STAU2: variants seen among roughly 807,000 people sequenced by gnomAD.
STAU2 encodes the protein staufen double-stranded RNA binding protein 2, also known as double-stranded RNA-binding protein Staufen homolog 2.
STAU2 carries 20 observed loss-of-function variants against 65.9 expected under a neutral mutation model. That is an observed-to-expected ratio of 0.30 (90% CI 0.21 to 0.44). The LOEUF is 0.44. STAU2 is among the 20% of genes least tolerant of loss of function. The pLI is 1.00. For synonymous variants in STAU2, 232 were observed against 233.9 expected (o/e 0.99, Z 0.07); for missense variants, 558 against 683.9 (o/e 0.82, Z 2.05).
rs1406841107 is a variant in STAU2, at chr8:73,595,182, T to C, written c.1145A>G (p.Gln382Arg). The change falls in exon 11 of 15, where the codon CAG becomes CGG. Residue 382 changes from glutamine to arginine, a missense_variant. Physicochemically the swap from Gln to Arg is conservative, Grantham distance 43. Around this residue, in one of 3 missense-constraint regions of STAU2, gnomAD observed 247 missense variants for 270.1 expected, o/e 0.91. Transcript: ENST00000524300. ...QLGYKASTNL[Q>R]DQLEKTGENK... Reference sequence around the variant, plus strand: ...AACTCTTACCTTCTCAAGTTGATCCTGAAGATTAGTGGATGCTTTATAACC... The same window carrying C: ...AACTCTTACCTTCTCAAGTTGATCCCGAAGATTAGTGGATGCTTTATAACC... The C allele has an allele frequency of 2.9e-5, 46 of 1,605,184 alleles. No homozygotes were observed. Among genetic ancestry groups the C allele is most frequent in the Non-Finnish European group, 3.8e-5 (45 of 1,177,144 alleles).
intron 12 of STAU2, among the ~76,000 whole-genome samples, chr8:73,577,109 TA>T (rs1197434714): frequency 1.3e-5 from 2 of 152,202 alleles, no homozygotes; most frequent in Non-Finnish European, 2.9e-5. Context: ...AGTATACAGA[TA>T]ATTCTGCTTC....
At chr8:73,541,383 T>C (rs1253880661) in intron 13 of STAU2, among the ~76,000 whole-genome samples, 1 of 152,160 alleles carries the variant, frequency 6.6e-6, no homozygotes, top group Non-Finnish European at 1.5e-5. Flanking sequence ...GAGTAGACTG[T>C]ATCAGCTGAG....
Position 73,433,586 on chromosome 8 carries a change from C to T in STAU2, c.1531-10884G>A, listed in dbSNP as rs138399614. 5.5e-4 allele frequency among the ~76,000 whole-genome samples: 83 copies of T among 150,554 alleles called. 5 individuals carry two copies. The highest frequency in any genetic ancestry group is 2.1e-3 in the African/African-American group (83 of 40,464). The stretch of plus-strand genomic sequence containing the variant: ...CACAATATCAGCTCACTGCAATCTA[C>T]GCTTCCCGGGTTCAAGCGATTCTTG... On this transcript the variant is annotated intron_variant, in intron 13 of 14. Coordinates refer to ENST00000524300, the MANE Select transcript of STAU2 (RefSeq NM_001164380.2).
At chr8:73,647,372 G>A (rs1160865171) in intron 6 of STAU2, among the ~76,000 whole-genome samples, 2 of 152,280 alleles carry the variant, frequency 1.3e-5, no homozygotes, top group African/African-American at 2.4e-5. Context: ...GTGGTACACA[G>A]AACACTACTC....
chr8:73,632,549 A>G (rs1158508346), intron 6 of STAU2, among the ~76,000 whole-genome samples: 1 of 151,394 alleles, frequency 6.6e-6, no homozygotes, highest in East Asian at 1.9e-4. Flanking sequence ...ATATAATCCT[A>G]TTTGCAGAGG....
In STAU2 at chr8:73,566,897, G is replaced by A. The variant is rs371668862; in HGVS notation, c.1223-14578C>T. On this transcript the variant is annotated intron_variant, in intron 12 of 14. Transcript: ENST00000524300. ...TCAAAGACTGCCAACCTGAGATTCAGAACATCTTGAGGTCTGAATTCAAAT... is the reference window on the plus strand; with the variant it reads ...TCAAAGACTGCCAACCTGAGATTCAAAACATCTTGAGGTCTGAATTCAAAT... Among the ~76,000 whole-genome samples, 92 of 152,272 alleles carry A rather than the reference G, an allele frequency of 6.0e-4. No homozygotes were observed. The South Asian group carries it at 0.018, about 30-fold the overall frequency.
chr8:73,723,098 G>GCCCACACA (rs1821797438), intron 3 of STAU2, among the ~76,000 whole-genome samples: 1 of 151,708 alleles, frequency 6.6e-6, no homozygotes, highest in South Asian at 2.1e-4. Flanking sequence ...GTGCGTGCGT[G>GCCCACACA]CCCACACACC....
At chr8:73,432,150 T>C (rs1343865397) in intron 13 of STAU2, among the ~76,000 whole-genome samples, 2 of 152,248 alleles carry the variant, frequency 1.3e-5, no homozygotes, top group Non-Finnish European at 2.9e-5. Flanking sequence ...GTGGCCTTCA[T>C]TTTTTAAGTG....
intron 13 of STAU2, among the ~76,000 whole-genome samples, chr8:73,492,324 TG>T (rs1480779978): frequency 1.3e-5 from 2 of 151,850 alleles, no homozygotes; most frequent in Non-Finnish European, 2.9e-5. Context: ...CAGAGTTCAG[TG>T]AAAGTTCTCA....
intron 13 of STAU2, among the ~76,000 whole-genome samples, chr8:73,511,866 T>C (rs1822424457): frequency 6.6e-6 from 1 of 152,216 alleles, no homozygotes; most frequent in Non-Finnish European, 1.5e-5. Context: ...CTATGGTTCT[T>C]TGAGAAGTTT....
intron 13 of STAU2, among the ~76,000 whole-genome samples, chr8:73,425,072 G>A (rs1203227231): frequency 6.6e-6 from 1 of 152,188 alleles, no homozygotes; most frequent in African/African-American, 2.4e-5. Context: ...TAACTTCAGT[G>A]GGGTGGGAGC....
chr8:73,716,142 G>A (rs1166166478), intron 3 of STAU2, among the ~76,000 whole-genome samples: 1 of 149,562 alleles, frequency 6.7e-6, no homozygotes, highest in Non-Finnish European at 1.5e-5. Flanking sequence ...AGGCTGGAGT[G>A]CAGTGGTGTG....
At chr8:73,541,152 G>A (rs1263446599) in intron 13 of STAU2, among the ~76,000 whole-genome samples, 2 of 152,186 alleles carry the variant, frequency 1.3e-5, no homozygotes, top group Non-Finnish European at 2.9e-5. Context: ...CAGCTCAAAT[G>A]ATTGAACGCT....
intron 12 of STAU2, among the ~76,000 whole-genome samples, chr8:73,566,061 GC>G (rs1400595268): frequency 1.3e-5 from 2 of 152,190 alleles, no homozygotes. Flanking sequence ...CCAGACTGGA[GC>G]CCAGCTATCT....
chr8:73,734,298 T>A (rs1806278455), intron 3 of STAU2, among the ~76,000 whole-genome samples: 1 of 145,808 alleles, frequency 6.9e-6, no homozygotes, highest in Non-Finnish European at 1.5e-5. Context: ...ACATGGATAA[T>A]AACACACATT....
At chr8:73,520,608 C>A (rs1822989963) in intron 13 of STAU2, among the ~76,000 whole-genome samples, 1 of 152,158 alleles carries the variant, frequency 6.6e-6, no homozygotes, top group South Asian at 2.1e-4. Context: ...ACCAACCCAA[C>A]CCAGGCTTAT....
chr8:73,731,389 C>T (rs991248907), intron 3 of STAU2, among the ~76,000 whole-genome samples: 1 of 152,134 alleles, frequency 6.6e-6, no homozygotes, highest in Non-Finnish European at 1.5e-5. Flanking sequence ...CTCAGTAGGA[C>T]TGCTGGGCTC....
chr8:73,604,364 A>G (rs1257457478), intron 9 of STAU2, among the ~76,000 whole-genome samples: 1 of 151,890 alleles, frequency 6.6e-6, no homozygotes, highest in Non-Finnish European at 1.5e-5. Flanking sequence ...AAATAGCTGG[A>G]ACTACAGGCG....
In STAU2 at chr8:73,508,807, T is replaced by C. The variant is rs115801591; in HGVS notation, c.1530+43205A>G. On this transcript the variant is annotated intron_variant, in intron 13 of 14. Coordinates refer to ENST00000524300, the MANE Select transcript of STAU2 (RefSeq NM_001164380.2). ...TTTTTGAAGTTCATCCATGTTGTAA[T>C]ATAGATGTAGTTCAAAATAGTGCAG... Among the ~76,000 whole-genome samples the C allele has an allele frequency of 5.6e-3, 855 of 152,332 alleles. 8 individuals are homozygous for C. The highest frequency in any genetic ancestry group is 0.019 in the African/African-American group (800 of 41,568).
Sources: gnomAD v4.1 joint callset for allele counts (sites outside exome capture counted in the v4.1 genomes callset) on GRCh38, gnomAD v4.1.1 for gene constraint, gnomAD v4.1.1 regional missense constraint, MANE v1.5 for transcripts, NCBI Gene and HGNC (gene_info 2026-07-23, HGNC 2026-07-21) for gene names.